ELP2: variants seen among roughly 807,000 people sequenced by gnomAD.
The protein encoded by ELP2 is elongator complex protein 2.
ELP2 carries 90 observed loss-of-function variants against 119.2 expected under a neutral mutation model. The ratio of observed to expected loss-of-function variants is 0.75; its 90% CI spans 0.64 to 0.90. The LOEUF is 0.90. ELP2 is among the 40% of genes least tolerant of loss of function. ELP2 has a pLI of 0.00. For missense variants in ELP2, 921 were observed against 967.8 expected (o/e 0.95, Z 0.64); for synonymous variants, 339 against 331.0 (o/e 1.02, Z -0.26).
In ELP2 at chr18:36,142,282, T is replaced by C. The variant is rs745755878; in HGVS notation, c.590T>C (p.Phe197Ser). 1 of 1,613,400 alleles carries C rather than the reference T, an allele frequency of 6.2e-7. No individual in the cohort carries two copies. The highest frequency in any genetic ancestry group is 8.5e-7 in the Non-Finnish European group (1 of 1,179,436). Residue 197 changes from phenylalanine (F) to serine (S), a missense_variant and splice_region_variant, in exon 7 of 22, where the codon TTT (phenylalanine) becomes TCT (serine). By Grantham distance (155) the Phe-to-Ser change is radical (BLOSUM62 -2). Coordinates refer to ENST00000358232, the MANE Select transcript of ELP2 (RefSeq NM_018255.4). ...IHIFAQQNDQ[F>S]QKVLSLCGHE... ...GCCCAATGATTTTTATCTTACTAGT[T>C]TCAGAAAGTGCTTTCTCTCTGTGGA...
In ELP2 at chr18:36,164,469, C is replaced by G; in HGVS notation, c.1762-6C>G. On this transcript the variant is annotated splice_polypyrimidine_tract_variant and splice_region_variant and intron_variant, in intron 17 of 21. Coordinates refer to ENST00000358232, the MANE Select transcript of ELP2 (RefSeq NM_018255.4). ...CTAGCTTCATTGTTTCATCTCTGTC[C>G]TATAGGCAGCTAAGAAAGAGCATGC... 1 of 1,612,850 alleles carries G rather than the reference C, an allele frequency of 6.2e-7. No individual in the cohort carries two copies.
chr18:36,170,928 G>C, intron 20 of ELP2, 119 bp from the exon 21 acceptor site: 1 of 757,216 alleles, frequency 1.3e-6, no homozygotes, highest in Non-Finnish European at 2.4e-6. Context: ...GCTGATGCCT[G>C]CAGAGTCTTT....
At chr18:36,156,879 T>A (rs1207289826) in intron 13 of ELP2, among the ~76,000 whole-genome samples, 1 of 152,180 alleles carries the variant, frequency 6.6e-6, no homozygotes, top group African/African-American at 2.4e-5. Context: ...CAAAGCTGCA[T>A]TAGTGTTCAA....
rs1213101227 is a variant in ELP2 at position 36,176,759 on chromosome 18, A to G, written c.*2118A>G. 6.6e-6 allele frequency: 1 copy of G among 152,226 alleles called. No homozygotes were observed. Among genetic ancestry groups the G allele is most frequent in the African/African-American group, 2.4e-5 (1 of 41,454 alleles). The allele number at this position is 152,226 out of a possible 1,614,324, so 9.4% of individuals were successfully genotyped here. On this transcript the variant is annotated 3_prime_UTR_variant, in exon 22 of 22. Coordinates refer to ENST00000358232, the MANE Select transcript of ELP2 (RefSeq NM_018255.4). ...ATTATGAATTGTAGTAATTCATAATATTGAAGCGATTCATAATATCTGAAG... is the reference window on the plus strand; with the variant it reads ...ATTATGAATTGTAGTAATTCATAATGTTGAAGCGATTCATAATATCTGAAG...
Position 36,146,048 on chromosome 18 carries a change from G to C in ELP2, c.993G>C (p.Gln331His), listed in dbSNP as rs1567990104. ...AAGAGTCAGGAGTTTGGCTAGAACA[G>C]GTAAAAATGTTGGATATTTAAGGAA... ...PDEESGVWLEQVRVGEVGGNT... is the reference protein window; with the variant it reads ...PDEESGVWLEHVRVGEVGGNT... Residue 331 changes from glutamine (Q) to histidine (H), a missense_variant and splice_region_variant, in exon 10 of 22, where the codon CAG becomes CAC. Coordinates refer to ENST00000358232, the MANE Select transcript of ELP2 (RefSeq NM_018255.4). 1 of 1,613,312 alleles carries C rather than the reference G, an allele frequency of 6.2e-7. No individual in the cohort carries two copies. Among genetic ancestry groups the C allele is most frequent in the Non-Finnish European group, 8.5e-7 (1 of 1,179,324 alleles).
intron 19 of ELP2, among the ~76,000 whole-genome samples, chr18:36,167,794 C>T (rs1429588775): frequency 6.6e-6 from 1 of 151,992 alleles, no homozygotes; most frequent in African/African-American, 2.4e-5. Context: ...CCACCTCAGC[C>T]TTGGCCTCCC....
At chr18:36,152,238 A>G (rs2090428665) in intron 11 of ELP2, among the ~76,000 whole-genome samples, 1 of 150,650 alleles carries the variant, frequency 6.6e-6, no homozygotes, top group South Asian at 2.1e-4. Context: ...TAACACCATC[A>G]GTTTCCATTT....
chr18:36,139,839 A>T (rs577187024), intron 5 of ELP2: 202 of 287,152 alleles, frequency 7.0e-4, no homozygotes, highest in African/African-American at 3.5e-3. Flanking sequence ...TTAAAATTTT[A>T]AAATTTAAAA....
intron 11 of ELP2, among the ~76,000 whole-genome samples, chr18:36,148,089 C>T (rs895106339): frequency 7.2e-6 from 1 of 138,286 alleles, no homozygotes; most frequent in Admixed American, 7.8e-5. Context: ...CTCTCATGGT[C>T]AGGTTTTTGT....
intron 8 of ELP2, 58 bp from the exon 9 acceptor site, chr18:36,144,881 G>T: frequency 1.4e-6 from 2 of 1,415,100 alleles, no homozygotes; most frequent in South Asian, 2.3e-5. Flanking sequence ...CTTGGTTATG[G>T]AAATATTCTT....
intron 19 of ELP2, among the ~76,000 whole-genome samples, chr18:36,169,388 CTTTTT>C (rs34958735): frequency 7.1e-6 from 1 of 140,596 alleles, no homozygotes; most frequent in African/African-American, 2.6e-5. Context: ...CTGATAAGTT[CTTTTT>C]TTTTTTTTTT....
At chr18:36,159,000 AT>A (rs963752016) in intron 14 of ELP2, 96 bp downstream of exon 14, 2,718 of 788,956 alleles carry the variant, frequency 3.4e-3, no homozygotes, top group Non-Finnish European at 3.8e-3. Context: ...GTTACAGCTG[AT>A]TTTTTTTTTA....
Position 36,155,811 on chromosome 18 carries a change from A to G in ELP2, c.1276-655A>G, listed in dbSNP as rs1598797536. Among the ~76,000 whole-genome samples the G allele has an allele frequency of 3.3e-5, 5 of 152,332 alleles. No homozygotes were observed. The South Asian group carries it at 1.0e-3, about 32-fold the overall frequency. The stretch of plus-strand genomic sequence containing the variant: ...AGGAAGCATTATCAAGTGTACAATA[A>G]AAGCCTGAAGTCATATAGTATTAGA... On this transcript the variant is annotated intron_variant, in intron 12 of 21. Transcript: ENST00000358232.
intron 11 of ELP2, among the ~76,000 whole-genome samples, chr18:36,147,121 T>G (rs570227302): frequency 7.0e-4 from 104 of 147,594 alleles, no homozygotes; most frequent in Non-Finnish European, 1.0e-3. Context: ...AGGATCTTAC[T>G]CTGTCATCCA....
chr18:36,151,466 C>T (rs937317708), intron 11 of ELP2, among the ~76,000 whole-genome samples: 2 of 152,110 alleles, frequency 1.3e-5, no homozygotes, highest in African/African-American at 4.8e-5. Flanking sequence ...GGAGACCAGG[C>T]GGGACTCCCT....
chr18:36,145,875 T>A, intron 9 of ELP2, 73 bp from the exon 10 acceptor site: 1 of 1,259,870 alleles, frequency 7.9e-7, no homozygotes, highest in Non-Finnish European at 1.2e-6. Context: ...CCATGTTGTT[T>A]GTTGTTTTTT....
Position 36,145,724 on chromosome 18 carries a change from T to G in ELP2, c.893-224T>G, listed in dbSNP as rs1301333111. 2.6e-5 allele frequency among the ~76,000 whole-genome samples: 4 copies of G among 152,242 alleles called. No homozygotes were observed. The East Asian group carries it at 7.7e-4, about 29-fold the overall frequency. ...TCCACATTGATTTGTGAAGCTCTAG[T>G]TATTTGTTTTTATTGCACGGTAGTA... On this transcript the variant is annotated intron_variant, in intron 9 of 21. Coordinates refer to ENST00000358232, the MANE Select transcript of ELP2 (RefSeq NM_018255.4).
At chr18:36,164,752 G>A (rs986494377) in intron 18 of ELP2, 85 bp downstream of exon 18, 4 of 1,332,676 alleles carry the variant, frequency 3.0e-6, no homozygotes, top group Non-Finnish European at 4.2e-6. Context: ...TTAAGAGAAA[G>A]ATAACAGAGT....
intron 11 of ELP2, 57 bp downstream of exon 11, chr18:36,146,438 A>G: frequency 1.3e-6 from 2 of 1,584,664 alleles, no homozygotes; most frequent in Non-Finnish European, 8.7e-7. Context: ...CATTCTAGGT[A>G]AATAGTATTT....
Sources: gnomAD v4.1 joint callset for allele counts (sites outside exome capture counted in the v4.1 genomes callset) on GRCh38, gnomAD v4.1.1 for gene constraint, MANE v1.5 for transcripts, NCBI Gene and HGNC (gene_info 2026-07-23, HGNC 2026-07-21) for gene names.